The following UNC13D variants were observed in gnomAD, a reference collection of about 807,000 sequenced individuals.
UNC13D encodes the protein protein unc-13 homolog D.
A neutral mutation model predicts 151.7 loss-of-function variants in UNC13D; 115 were observed. The observed-to-expected ratio is 0.76, with a 90% CI of 0.65 to 0.88. The LOEUF (loss-of-function observed/expected upper bound fraction) is 0.88. Ranked by LOEUF, UNC13D falls within the 40% of genes least tolerant of loss-of-function variation. The pLI is 0.00. For missense variants in UNC13D, 1,369 were observed against 1,438.7 expected (o/e 0.95, Z 0.78); for synonymous variants, 588 against 612.2 (o/e 0.96, Z 0.58).
In UNC13D at chr17:75,835,554, C is replaced by G; in HGVS notation, c.1728-25G>C. The G allele has an allele frequency of 2.5e-6, 4 of 1,601,000 alleles. No homozygotes were observed. In the South Asian group the frequency reaches 4.5e-5, roughly 18 times the overall value. ...CCTGGGGATTGCCGGGGCTCAGCGT[C>G]GGGAAGGCTGGGGCCACCATGGACC... On this transcript the variant is annotated intron_variant, in intron 19 of 31. Transcript: ENST00000207549.
intron 12 of UNC13D, among the ~76,000 whole-genome samples, chr17:75,838,902 C>G (rs1229766115): frequency 6.6e-6 from 1 of 151,988 alleles, no homozygotes; most frequent in Non-Finnish European, 1.5e-5. Context: ...AGATCGAGAC[C>G]ATCCTGGCTA....
At chr17:75,831,596 AGCACACTAACGGAAT>A in intron 25 of UNC13D, 1 of 567,524 alleles carries the variant, frequency 1.8e-6, no homozygotes, top group Non-Finnish European at 3.2e-6. Flanking sequence ...AACCCTCCCC[AGCACACTAACGGAAT>A]GCACAAACAA....
Position 75,827,937 on chromosome 17 carries a change from G to C in UNC13D, c.*28C>G. The stretch of plus-strand genomic sequence containing the variant: ...AAAGCCCTTGCAAGTCCCCACCGGG[G>C]ACCCAGCCCCACCGCAAACCTCTAC... On this transcript the variant is annotated 3_prime_UTR_variant, in exon 32 of 32. Coordinates refer to ENST00000207549, the MANE Select transcript of UNC13D (RefSeq NM_199242.3). 1.2e-6 allele frequency: 2 copies of C among 1,606,236 alleles called. No individual in the cohort carries two copies. Among genetic ancestry groups the C allele is most frequent in the Non-Finnish European group, 1.7e-6 (2 of 1,178,000 alleles).
At chr17:75,831,644 A>G in intron 25 of UNC13D, 1 of 477,984 alleles carries the variant, frequency 2.1e-6, no homozygotes, top group South Asian at 2.4e-5. Flanking sequence ...GGAGGAGGCC[A>G]GGCCCCCAGT....
In UNC13D at chr17:75,830,297, G is replaced by C. The variant is rs1275802932; in HGVS notation, c.2830+65C>G. On this transcript the variant is annotated intron_variant, in intron 29 of 31. Coordinates refer to ENST00000207549, the MANE Select transcript of UNC13D (RefSeq NM_199242.3). ...TCCTGCAGGGTGAGCGAAGCCCCCA[G>C]GGTCGCTGAGACAGGAGGGCCAGGA... 1.6e-5 allele frequency: 25 copies of C among 1,574,008 alleles called. No individual in the cohort carries two copies. In the East Asian group the frequency reaches 5.5e-4, roughly 35 times the overall value.
Position 75,827,723 on chromosome 17 carries a change from G to A in UNC13D, c.*242C>T. 2 of 1,510,162 alleles carry A rather than the reference G, an allele frequency of 1.3e-6. No homozygotes were observed. Among genetic ancestry groups the A allele is most frequent in the Non-Finnish European group, 1.8e-6 (2 of 1,130,462 alleles). 93.5% of individuals were successfully genotyped at this position (1,510,162 alleles called of 1,614,324 possible). ...CAGGGTTTGCTCCCCCTGGTGCTGG[G>A]ATGTGGTAGAGACATTGCAGCCAGG... On this transcript the variant is annotated 3_prime_UTR_variant, in exon 32 of 32. Transcript: ENST00000207549.
chr17:75,843,383 C>T lies in UNC13D; in HGVS notation c.153+101G>A. Reference sequence around the variant, plus strand: ...CGGAGGGAGTTGAGACCCAGGAGTCCCCTCCCCACCGCAAGTTGCTTGCTG... The same window carrying T: ...CGGAGGGAGTTGAGACCCAGGAGTCTCCTCCCCACCGCAAGTTGCTTGCTG... On this transcript the variant is annotated intron_variant, in intron 2 of 31. Coordinates refer to ENST00000207549, the MANE Select transcript of UNC13D (RefSeq NM_199242.3). 4.5e-6 allele frequency: 7 copies of T among 1,564,180 alleles called. No homozygotes were observed. The South Asian group carries it at 6.9e-5, about 15-fold the overall frequency.
At position 75,836,930 on chromosome 17, in the gene UNC13D, A is replaced by G; in HGVS notation, c.1056-12T>C. 1.9e-6 allele frequency: 3 copies of G among 1,612,028 alleles called. No individual in the cohort carries two copies. The highest frequency in any genetic ancestry group is 2.5e-6 in the Non-Finnish European group (3 of 1,179,930). ...AGGCCAGCCACTGCCTGCAGGGGAC[A>G]GGAAGCCCTCAGCTGGACAGGGAGG... On this transcript the variant is annotated splice_polypyrimidine_tract_variant and intron_variant, in intron 12 of 31. Transcript: ENST00000207549.
Position 75,827,419 on chromosome 17 carries a change from GCT to G in UNC13D, c.*544_*545del. The G allele has an allele frequency of 4.2e-6, 6 of 1,413,998 alleles. No individual in the cohort carries two copies. Among genetic ancestry groups the G allele is most frequent in the Admixed American group, 5.8e-5 (2 of 34,492 alleles). The allele number at this position is 1,413,998 out of a possible 1,614,324, so 87.6% of individuals were successfully genotyped here. On this transcript the variant is annotated 3_prime_UTR_variant, in exon 32 of 32. Coordinates refer to ENST00000207549, the MANE Select transcript of UNC13D (RefSeq NM_199242.3). Reference sequence around the variant, plus strand: ...AGAGCCAGAAGGTTCTTGGCTCCAGGCTTCCTGGCCTGGATGCTGGCAGCCCC... The same window carrying G: ...AGAGCCAGAAGGTTCTTGGCTCCAGGTCCTGGCCTGGATGCTGGCAGCCCC...
At chr17:75,838,957 G>A (rs1021092560) in intron 12 of UNC13D, among the ~76,000 whole-genome samples, 1 of 152,186 alleles carries the variant, frequency 6.6e-6, no homozygotes. Flanking sequence ...AAAATTAGCC[G>A]GGCGCGGTGG....
At position 75,840,177 on chromosome 17, in the gene UNC13D, G is replaced by A; in HGVS notation, c.858+48C>T. ...GTGCAGCCAGCCCCGCAACCCAGCA[G>A]ACCGCCGCAAGAGCTGGGCATGGCC... On this transcript the variant is annotated intron_variant, in intron 10 of 31. Coordinates refer to ENST00000207549, the MANE Select transcript of UNC13D (RefSeq NM_199242.3). This position sits in a 1 kb window ranked among gnomAD's most constrained non-coding sequence, Gnocchi z 4.6. 1 of 1,612,174 alleles carries A rather than the reference G, an allele frequency of 6.2e-7. No homozygotes were observed. The highest frequency in any genetic ancestry group is 8.5e-7 in the Non-Finnish European group (1 of 1,178,984).
chr17:75,828,068 A>G lies in UNC13D; in HGVS notation c.3170T>C (p.Leu1057Pro), dbSNP rs979518180. 1.3e-6 allele frequency: 2 copies of G among 1,574,368 alleles called. No individual in the cohort carries two copies. The highest frequency in any genetic ancestry group is 1.9e-5 in the Admixed American group (1 of 53,930). Residue 1057 changes from leucine (L) to proline (P), a missense_variant, in exon 32 of 32, where the codon CTG becomes CCG. This residue lies in a region of UNC13D where 807 missense variants were observed against 795.5 expected (regional missense o/e 1.01). Coordinates refer to ENST00000207549, the MANE Select transcript of UNC13D (RefSeq NM_199242.3). The part of the protein sequence containing the change: ...PAPNGDPILQ[L>P]LEGRKGDREA... ...TCGGTCACCCTTCCGGCCCTCCAGCAGCTGCAGGATTGGGTCCCCTGCGGA... is the reference window on the plus strand; with the variant it reads ...TCGGTCACCCTTCCGGCCCTCCAGCGGCTGCAGGATTGGGTCCCCTGCGGA...
At chr17:75,836,940 C>A in intron 12 of UNC13D, 22 bp from the exon 13 acceptor site, 1 of 1,610,616 alleles carries the variant, frequency 6.2e-7, no homozygotes, top group South Asian at 1.1e-5. Context: ...AGGAAGCCCT[C>A]AGCTGGACAG....
chr17:75,841,479 T>TC (rs1279169795), intron 6 of UNC13D, among the ~76,000 whole-genome samples: 2 of 133,472 alleles, frequency 1.5e-5, no homozygotes, highest in African/African-American at 6.1e-5. Context: ...TCTCACTCTG[T>TC]CACCCAGGCT....
intron 21 of UNC13D, 28 bp downstream of exon 21, chr17:75,834,892 G>A: frequency 6.2e-7 from 1 of 1,613,838 alleles, no homozygotes; most frequent in East Asian, 2.2e-5. Context: ...CTAGAAAGAG[G>A]GGGAAGGACA....
intron 1 of UNC13D, chr17:75,843,778 A>G: frequency 7.1e-7 from 1 of 1,407,668 alleles, no homozygotes; most frequent in Non-Finnish European, 9.2e-7. Context: ...TCCCTTCCCC[A>G]GAGGAAACAG....
At chr17:75,839,080 A>T (rs2064929810) in intron 12 of UNC13D, among the ~76,000 whole-genome samples, 1 of 151,286 alleles carries the variant, frequency 6.6e-6, no homozygotes, top group African/African-American at 2.4e-5. Context: ...GGCCTGGGCG[A>T]AAGAGCAAGA....
At chr17:75,843,763 C>T (rs2064966407) in intron 1 of UNC13D, 4 of 1,418,676 alleles carry the variant, frequency 2.8e-6, no homozygotes, top group African/African-American at 1.4e-5. Flanking sequence ...CGCACCCCAC[C>T]TCCCTCCCTT....
chr17:75,829,134 G>A, intron 30 of UNC13D, 151 bp from the exon 31 acceptor site: 1 of 996,710 alleles, frequency 1.0e-6, no homozygotes, highest in East Asian at 2.6e-5. Context: ...GTGGTGCAAT[G>A]CCTGCTCTGA....
Sources: gnomAD v4.1 joint callset for allele counts (sites outside exome capture counted in the v4.1 genomes callset) on GRCh38, gnomAD v4.1.1 for gene constraint, gnomAD v4.1.1 regional missense constraint, Gnocchi (gnomAD v3.1) non-coding constraint, MANE v1.5 for transcripts, NCBI Gene and HGNC (gene_info 2026-07-23, HGNC 2026-07-21) for gene names.